SLC39A14: variants seen among roughly 807,000 people sequenced by gnomAD.
SLC39A14 encodes the protein metal cation symporter ZIP14.
In SLC39A14, 19 loss-of-function variants were observed where a neutral mutation model predicts 45.5. The observed-to-expected ratio is 0.42, with a 90% CI of 0.29 to 0.61. The LOEUF (loss-of-function observed/expected upper bound fraction) is 0.61, where lower values mean the gene tolerates loss of function less well. SLC39A14 is among the 20% of genes least tolerant of loss of function. SLC39A14 has a pLI of 0.22. For missense variants in SLC39A14, 447 were observed against 616.5 expected (o/e 0.73, Z 2.91); for synonymous variants, 264 against 251.3 (o/e 1.05, Z -0.48).
chr8:22,405,007 T>C (rs1835130568), intron 2 of SLC39A14, 27 bp downstream of exon 2: 2 of 1,605,352 alleles, frequency 1.2e-6, no homozygotes, highest in East Asian at 4.5e-5. Context: ...AGCCAGCAGC[T>C]CTGCTCAGCC....
intron 1 of SLC39A14, among the ~76,000 whole-genome samples, chr8:22,397,709 C>T (rs1834585639): frequency 6.6e-6 from 1 of 152,172 alleles, no homozygotes; most frequent in South Asian, 2.1e-4. Context: ...TCACCCAGGG[C>T]CTTTTGCTAT....
In SLC39A14 at chr8:22,370,575, A is replaced by G. The variant is rs146413014; in HGVS notation, c.-16+3167A>G. On this transcript the variant is annotated intron_variant, in intron 1 of 8. Transcript: ENST00000381237. ...AGGTGAATTGGTATTCCCGAGTCACATGGTTGCCAGTGGCCAAGAGACTTG... is the reference window on the plus strand; with the variant it reads ...AGGTGAATTGGTATTCCCGAGTCACGTGGTTGCCAGTGGCCAAGAGACTTG... Among the ~76,000 whole-genome samples, 60 of 152,332 alleles carry G rather than the reference A, an allele frequency of 3.9e-4. No homozygotes were observed. The East Asian group carries it at 9.8e-3, about 25-fold the overall frequency.
intron 5 of SLC39A14, 116 bp from the exon 6 acceptor site, chr8:22,415,653 C>A: frequency 3.2e-6 from 3 of 948,962 alleles, no homozygotes; most frequent in Non-Finnish European, 4.7e-6. Context: ...CTTGTGTCAT[C>A]TTCGATGGTA....
At chr8:22,406,453 GGAGGCT>G (rs1835217340) in intron 2 of SLC39A14, among the ~76,000 whole-genome samples, 1 of 152,184 alleles carries the variant, frequency 6.6e-6, no homozygotes, top group Admixed American at 6.5e-5. Context: ...CAGCACTTTG[GGAGGCT>G]GAGGCAGGTG....
intron 1 of SLC39A14, among the ~76,000 whole-genome samples, chr8:22,395,417 T>C (rs1356729800): frequency 2.6e-5 from 4 of 152,248 alleles, no homozygotes; most frequent in African/African-American, 9.6e-5. Flanking sequence ...ACTGTGATTA[T>C]CTCAAACTTT....
At position 22,421,083 on chromosome 8, in the gene SLC39A14, A is replaced by C. The variant is rs990219801; in HGVS notation, c.*1385A>C. 1.0e-6 allele frequency: 1 copy of C among 985,638 alleles called. No individual in the cohort carries two copies. Among genetic ancestry groups the C allele is most frequent in the East Asian group, 1.1e-4 (1 of 8,824 alleles). The allele number at this position is 985,638 out of a possible 1,614,324, so 61.1% of individuals were successfully genotyped here. A position where few individuals can be genotyped will look rare whatever the true frequency, so the allele number is the denominator to read the frequency against. ...TCACTAGGTGAATTGATTTATTATT[A>C]TCATATTGATAATGTGAGATTCTTT... On this transcript the variant is annotated 3_prime_UTR_variant, in exon 9 of 9. Transcript: ENST00000381237.
At chr8:22,417,296 A>T (rs1456733665) in intron 7 of SLC39A14, among the ~76,000 whole-genome samples, 4 of 152,242 alleles carry the variant, frequency 2.6e-5, no homozygotes, top group Non-Finnish European at 5.9e-5. Context: ...ATCTATTTTT[A>T]AAATCCTGAG....
chr8:22,419,453 T>C (rs1210668798), intron 8 of SLC39A14, 99 bp from the exon 9 acceptor site: 11 of 1,257,570 alleles, frequency 8.7e-6, no homozygotes, highest in Non-Finnish European at 1.2e-5. Flanking sequence ...ATAATTTTCT[T>C]TGTCAACCAA....
chr8:22,377,344 G>A (rs1054755293), intron 1 of SLC39A14, among the ~76,000 whole-genome samples: 2 of 151,098 alleles, frequency 1.3e-5, no homozygotes, highest in African/African-American at 2.4e-5. Flanking sequence ...TTGTAACTTC[G>A]CTGCCCCAGC....
Position 22,420,018 on chromosome 8 carries a change from T to C in SLC39A14, c.*320T>C, listed in dbSNP as rs1292288802. 1 of 1,056,880 alleles carries C rather than the reference T, an allele frequency of 9.5e-7. No homozygotes were observed. The highest frequency in any genetic ancestry group is 1.7e-5 in the African/African-American group (1 of 59,890). The allele number at this position is 1,056,880 out of a possible 1,614,324, so 65.5% of individuals were successfully genotyped here. On this transcript the variant is annotated 3_prime_UTR_variant, in exon 9 of 9. Transcript: ENST00000381237. ...TACCTTGGCCTCCTCTTGGAACCAG[T>C]GCTGAAAGGTTTTGAATCCTTTACC...
rs1477250804 is a variant in SLC39A14, at chr8:22,422,720, T to G, written c.*3022T>G. ...TGATCATTTGCAATAAATGTGGATGTAATGAAGGCTGTTGAACACAAGGTG... is the reference window on the plus strand; with the variant it reads ...TGATCATTTGCAATAAATGTGGATGGAATGAAGGCTGTTGAACACAAGGTG... On this transcript the variant is annotated 3_prime_UTR_variant, in exon 9 of 9. Transcript: ENST00000381237. 4.1e-6 allele frequency: 4 copies of G among 985,102 alleles called. No individual in the cohort carries two copies. In the African/African-American group the frequency reaches 7.0e-5, roughly 17 times the overall value. The allele number at this position is 985,102 out of a possible 1,614,324, so 61.0% of individuals were successfully genotyped here.
At chr8:22,432,645 ATTTT>A (rs35981745) in intron 8 of SLC39A14, among the ~76,000 whole-genome samples, 2 of 114,066 alleles carry the variant, frequency 1.8e-5, no homozygotes, top group East Asian at 2.5e-4. Context: ...TGCCCGGCTA[ATTTT>A]TTTTTTTTTT....
intron 8 of SLC39A14, among the ~76,000 whole-genome samples, chr8:22,419,232 G>A (rs1317785087): frequency 6.6e-6 from 1 of 151,858 alleles, no homozygotes; most frequent in African/African-American, 2.4e-5. Flanking sequence ...TTGCCCAGGC[G>A]GGAGTGCAGT....
intron 8 of SLC39A14, among the ~76,000 whole-genome samples, chr8:22,419,158 G>T (rs769675408): frequency 6.6e-6 from 1 of 152,114 alleles, no homozygotes; most frequent in Non-Finnish European, 1.5e-5. Context: ...TAAAGACATG[G>T]TACCTGCTAT....
intron 8 of SLC39A14, among the ~76,000 whole-genome samples, chr8:22,431,726 TAAAA>T (rs958037686): frequency 6.6e-6 from 1 of 151,680 alleles, no homozygotes; most frequent in Non-Finnish European, 1.5e-5. Flanking sequence ...ATGCAGAAAA[TAAAA>T]AAAAGTGGGG....
At chr8:22,370,009 T>C (rs6998654) in intron 1 of SLC39A14, among the ~76,000 whole-genome samples, 136,798 of 152,088 alleles carry the variant, frequency 0.9, 61,731 homozygotes, top group African/African-American at 0.98. Flanking sequence ...ATTGGGCAAT[T>C]TTAGGGAAAA....
chr8:22,427,585 T>C (rs1330794911), downstream of SLC39A14, among the ~76,000 whole-genome samples: 1 of 152,172 alleles, frequency 6.6e-6, no homozygotes, highest in Non-Finnish European at 1.5e-5. Context: ...ATCTTCTCTA[T>C]AACTTCTTGA....
intron 2 of SLC39A14, 57 bp from the exon 3 acceptor site, chr8:22,408,253 C>T (rs1234806028): frequency 6.7e-7 from 1 of 1,499,898 alleles, no homozygotes; most frequent in East Asian, 2.3e-5. Flanking sequence ...TGCTGTTTAG[C>T]AGGGCAAGGC....
intron 8 of SLC39A14, among the ~76,000 whole-genome samples, chr8:22,418,601 A>G (rs957933865): frequency 6.6e-6 from 1 of 151,720 alleles, no homozygotes; most frequent in Non-Finnish European, 1.5e-5. Context: ...GTGTGATCAT[A>G]GGTCACTGCA....
Sources: allele counts gnomAD v4.1 joint callset (sites outside exome capture counted in the v4.1 genomes callset), GRCh38; gene constraint gnomAD v4.1.1; transcripts MANE v1.5; gene names NCBI Gene and HGNC (gene_info 2026-07-23, HGNC 2026-07-21).